GSN: variants seen among roughly 807,000 people sequenced by gnomAD.
GSN encodes actin-depolymerizing factor.
Under a neutral mutation model 85.7 loss-of-function variants are expected in GSN, and 56 were observed. The observed-to-expected ratio is 0.65, with a 90% CI of 0.53 to 0.82. The LOEUF (loss-of-function observed/expected upper bound fraction) is 0.82, where lower values mean the gene tolerates loss of function less well. Ranked by LOEUF, GSN falls within the 40% of genes least tolerant of loss-of-function variation. The pLI is 0.00. For synonymous variants in GSN, 373 were observed against 399.1 expected (o/e 0.93, Z 0.78); for missense variants, 857 against 979.8 (o/e 0.87, Z 1.67).
chr9:121,257,019 A>C (rs1221396666), intron 6 of GSN, among the ~76,000 whole-genome samples: 1 of 152,210 alleles, frequency 6.6e-6, no homozygotes, highest in Non-Finnish European at 1.5e-5. Flanking sequence ...CAACACAAAA[A>C]AGAGAAATGT....
chr9:121,301,088 G>A (rs1384568741), intron 2 of GSN, among the ~76,000 whole-genome samples: 4 of 152,206 alleles, frequency 2.6e-5, no homozygotes, highest in Non-Finnish European at 5.9e-5. Flanking sequence ...GCAGATTGGG[G>A]TTGGATAATG....
rs746261304 is a variant in GSN at position 121,321,290 on chromosome 9, A to G, written c.1214A>G (p.Asn405Ser). The G allele has an allele frequency of 2.5e-6, 4 of 1,613,978 alleles. No homozygotes were observed. Among genetic ancestry groups the G allele is most frequent in the African/African-American group, 2.7e-5 (2 of 74,930 alleles). Residue 405 changes from asparagine (N) to serine (S), a missense_variant, in exon 11 of 18, where the codon AAC becomes AGC. Coordinates refer to ENST00000432226, the MANE Select transcript of GSN (RefSeq NM_198252.3). ...QKQIWRIEGSNKVPVDPATYG... is the reference protein window; with the variant it reads ...QKQIWRIEGSSKVPVDPATYG... ...CAGATCTGGAGAATCGAAGGTTCCA[A>G]CAAGGTGCCCGTGGACCCTGCCACA...
intron 5 of GSN, among the ~76,000 whole-genome samples, chr9:121,243,159 C>T (rs1245599015): frequency 6.6e-6 from 1 of 152,168 alleles, no homozygotes; most frequent in African/African-American, 2.4e-5. Context: ...CACTTCCCTG[C>T]CTTTTCTGGC....
chr9:121,250,884 TG>T (rs1288997354), intron 6 of GSN, among the ~76,000 whole-genome samples: 12 of 148,818 alleles, frequency 8.1e-5, no homozygotes, highest in Non-Finnish European at 4.5e-5. Flanking sequence ...TGTGTGTGTG[TG>T]TGTGTGTGTG....
chr9:121,264,205 G>T (rs748553926), upstream of GSN, among the ~76,000 whole-genome samples: 36 of 152,164 alleles, frequency 2.4e-4, no homozygotes, highest in Non-Finnish European at 5.0e-4. Flanking sequence ...TATAATCCCA[G>T]CACTTTCAAA....
chr9:121,281,679 G>A (rs2057384270), intron 2 of GSN, 117 bp downstream of exon 2: 1 of 471,066 alleles, frequency 2.1e-6, no homozygotes, highest in Non-Finnish European at 4.4e-6. Context: ...TGGATTCAGT[G>A]GGAGTCCCTG....
intron 4 of GSN, among the ~76,000 whole-genome samples, chr9:121,216,636 G>A (rs1271254566): frequency 6.6e-6 from 1 of 152,064 alleles, no homozygotes; most frequent in African/African-American, 2.4e-5. Flanking sequence ...CCCAGGTTCC[G>A]TAGTACCTTG....
chr9:121,305,647 C>T (rs1202564172), intron 4 of GSN, among the ~76,000 whole-genome samples: 1 of 152,160 alleles, frequency 6.6e-6, no homozygotes, highest in Non-Finnish European at 1.5e-5. Context: ...TAGCCAGGTT[C>T]CCCGGCCCCC....
chr9:121,233,761 C>G (rs545885799), intron 5 of GSN, among the ~76,000 whole-genome samples: 56 of 152,194 alleles, frequency 3.7e-4, no homozygotes, highest in African/African-American at 1.2e-3. Context: ...CAAAAGAGAC[C>G]CTAAAACCTA....
intron 2 of GSN, among the ~76,000 whole-genome samples, chr9:121,291,237 G>A (rs2058653453): frequency 6.6e-6 from 1 of 151,982 alleles, no homozygotes; most frequent in African/African-American, 2.4e-5. Context: ...AATCTAGAGA[G>A]ATTTAAAGTT....
At chr9:121,262,248 A>T (rs773394947) in intron 6 of GSN, among the ~76,000 whole-genome samples, 5 of 152,226 alleles carry the variant, frequency 3.3e-5, no homozygotes, top group Non-Finnish European at 7.3e-5. Context: ...CACTCTGGCT[A>T]TAGAAAGAAT....
chr9:121,263,920 T>C (rs2055142331), upstream of GSN, among the ~76,000 whole-genome samples: 1 of 146,258 alleles, frequency 6.8e-6, no homozygotes. Context: ...TCAGGTCTCA[T>C]GAGAACTCAC....
intron 4 of GSN, among the ~76,000 whole-genome samples, chr9:121,215,846 A>G (rs1454381245): frequency 1.3e-5 from 2 of 152,114 alleles, no homozygotes; most frequent in Non-Finnish European, 2.9e-5. Context: ...TACAAGCCAT[A>G]TATTTCAAGT....
At chr9:121,228,229 T>A (rs1353824295) in intron 4 of GSN, among the ~76,000 whole-genome samples, 1 of 151,782 alleles carries the variant, frequency 6.6e-6, no homozygotes, top group Non-Finnish European at 1.5e-5. Flanking sequence ...GCACAGACCC[T>A]GCACACCCGA....
At chr9:121,216,402 A>G (rs915267201) in intron 4 of GSN, among the ~76,000 whole-genome samples, 2 of 152,232 alleles carry the variant, frequency 1.3e-5, no homozygotes, top group South Asian at 4.1e-4. Context: ...ACCTCCAGCT[A>G]CGTCTCCACC....
chr9:121,326,617 G>A lies in GSN; in HGVS notation c.1522G>A (p.Ala508Thr), dbSNP rs1375261642. ...GGTSREGGQT[A>T]PASTRLFQVR... Reference sequence around the variant, plus strand: ...CACCTCCCGCGAGGGCGGGCAGACAGCCCCTGCCAGCACCCGCCTCTTCCA... The same window carrying A: ...CACCTCCCGCGAGGGCGGGCAGACAACCCCTGCCAGCACCCGCCTCTTCCA... The change falls in exon 13 of 18, where the codon GCC becomes ACC. Residue 508 changes from alanine to threonine, a missense_variant. Coordinates refer to ENST00000432226, the MANE Select transcript of GSN (RefSeq NM_198252.3). 6.2e-7 allele frequency: 1 copy of A among 1,601,818 alleles called. No individual in the cohort carries two copies. The highest frequency in any genetic ancestry group is 1.3e-5 in the African/African-American group (1 of 74,722).
At chr9:121,280,352 A>C (rs2057213529) in intron 1 of GSN, 1 of 152,242 alleles carries the variant, frequency 6.6e-6, no homozygotes, top group Admixed American at 6.5e-5. Flanking sequence ...GCATATGTCC[A>C]CTGGCACTGC....
intron 2 of GSN, chr9:121,286,903 A>G: frequency 1.4e-6 from 1 of 710,954 alleles, no homozygotes. Context: ...AGACAATGCC[A>G]GCCATGGGTT....
intron 5 of GSN, among the ~76,000 whole-genome samples, chr9:121,246,995 G>A (rs1268808640): frequency 1.3e-5 from 2 of 152,240 alleles, no homozygotes; most frequent in Non-Finnish European, 2.9e-5. Context: ...CGTGTAGGTG[G>A]GAAGTGGGAG....
Sources: gnomAD v4.1 joint callset for allele counts (sites outside exome capture counted in the v4.1 genomes callset) on GRCh38, gnomAD v4.1.1 for gene constraint, MANE v1.5 for transcripts, NCBI Gene and HGNC (gene_info 2026-07-23, HGNC 2026-07-21) for gene names.